LRP1B: variants seen among roughly 807,000 people sequenced by gnomAD.
The protein encoded by LRP1B is LDL receptor related protein 1B.
In LRP1B, 217 loss-of-function variants were observed where a neutral mutation model predicts 556.6. The ratio of observed to expected loss-of-function variants is 0.39; its 90% confidence interval spans 0.35 to 0.44. The LOEUF (loss-of-function observed/expected upper bound fraction) is 0.44, where lower values mean the gene tolerates loss of function less well. Ranked by LOEUF, LRP1B falls within the 20% of genes least tolerant of loss-of-function variation. LRP1B has a pLI of 1.00. For synonymous variants in LRP1B, 2,047 were observed against 1,865.8 expected, an observed-to-expected ratio of 1.10 and a Z score of -2.50; for missense variants, 5,053 against 5,620.8, an observed-to-expected ratio of 0.90 and a Z score of 3.23.
chr2:142,093,938 G>A (rs1706267010), intron 1 of LRP1B, among the ~76,000 whole-genome samples: 1 of 151,932 alleles, frequency 6.6e-6, no homozygotes, highest in Admixed American at 6.6e-5. Flanking sequence ...CCATAAAATG[G>A]GTGGCTTATA....
At chr2:141,591,372 T>TTTTTTCCCAG in intron 2 of LRP1B, among the ~76,000 whole-genome samples, 1 of 150,958 alleles carries the variant, frequency 6.6e-6, no homozygotes, top group East Asian at 1.9e-4. Context: ...TGTTTTTTTT[T>TTTTTTCCCAG]TTTTCCCAGG....
intron 7 of LRP1B, among the ~76,000 whole-genome samples, chr2:141,180,279 T>TTGTCCATGTACAGTCCA (rs1455622878): frequency 2.6e-5 from 4 of 151,818 alleles, no homozygotes; most frequent in African/African-American, 9.7e-5. Flanking sequence ...TACAAGAATG[T>TTGTCCATGTACAGTCCA]TGTCCATGTA....
intron 3 of LRP1B, among the ~76,000 whole-genome samples, chr2:141,318,331 G>T (rs1028059565): frequency 1.3e-5 from 2 of 151,994 alleles, no homozygotes; most frequent in Non-Finnish European, 2.9e-5. Context: ...ACAATATAGG[G>T]GTTAGAGATA....
intron 1 of LRP1B, among the ~76,000 whole-genome samples, chr2:142,124,623 A>T (rs2105017785): frequency 6.6e-6 from 1 of 151,962 alleles, no homozygotes; most frequent in South Asian, 2.1e-4. Flanking sequence ...CTTTCAATAT[A>T]GTAAATTCTC....
At chr2:140,454,137 T>C (rs921450774) in intron 62 of LRP1B, among the ~76,000 whole-genome samples, 22 of 152,098 alleles carry the variant, frequency 1.4e-4, no homozygotes, top group Non-Finnish European at 2.5e-4. Flanking sequence ...GAACTTTTTT[T>C]CTTTCTTTTT....
rs373321462 is a variant in LRP1B at position 141,516,234 on chromosome 2, CTTTCTA to C, written c.206-35707_206-35702del. ...AGGGACATTTGCTTTGTACATTTCT[CTTTCTA>C]TAACACTCAGAAGCATTTCAAAGAT... is the stretch of plus-strand genomic sequence containing the variant. On this transcript the variant is annotated intron_variant, in intron 2 of 90. Transcript: ENST00000389484. Among the ~76,000 whole-genome samples the C allele has an allele frequency of 6.4e-4, 98 of 152,240 alleles. No individual in the cohort carries two copies. In the East Asian group the frequency reaches 7.9e-3, roughly 12 times the overall value.
chr2:141,987,867 T>A (rs924058109), intron 1 of LRP1B, among the ~76,000 whole-genome samples: 6 of 147,748 alleles, frequency 4.1e-5, no homozygotes, highest in Admixed American at 2.1e-4. Flanking sequence ...TAGACCCTTC[T>A]AATCTTAGTA....
At chr2:141,283,684 C>T (rs572865102) in intron 3 of LRP1B, among the ~76,000 whole-genome samples, 3 of 147,270 alleles carry the variant, frequency 2.0e-5, no homozygotes, top group African/African-American at 7.6e-5. Context: ...CAACCTCCAC[C>T]ACCCAGGTTC....
chr2:141,864,826 G>A (rs1313962445), intron 1 of LRP1B, among the ~76,000 whole-genome samples: 2 of 152,150 alleles, frequency 1.3e-5, no homozygotes, highest in East Asian at 3.9e-4. Flanking sequence ...AGGCTGCAGT[G>A]AGCCGAGATC....
At chr2:140,662,357 G>A (rs1270219888) in intron 41 of LRP1B, among the ~76,000 whole-genome samples, 1 of 151,986 alleles carries the variant, frequency 6.6e-6, no homozygotes, top group African/African-American at 2.4e-5. Context: ...AAATATTAAG[G>A]AAAAATTATT....
chr2:141,560,157 C>T (rs1380929485), intron 2 of LRP1B, among the ~76,000 whole-genome samples: 1 of 151,612 alleles, frequency 6.6e-6, no homozygotes, highest in Non-Finnish European at 1.5e-5. Flanking sequence ...TATCTAAAAC[C>T]ATTCACGATA....
chr2:141,876,099 T>A (rs1698749625), intron 1 of LRP1B, among the ~76,000 whole-genome samples: 1 of 152,012 alleles, frequency 6.6e-6, no homozygotes, highest in Non-Finnish European at 1.5e-5. Flanking sequence ...TTTCCATTTT[T>A]AACTGTCAGG....
At chr2:140,673,822 C>A (rs1406357798) in intron 41 of LRP1B, among the ~76,000 whole-genome samples, 2 of 152,142 alleles carry the variant, frequency 1.3e-5, no homozygotes, top group African/African-American at 2.4e-5. Context: ...TTAGACACAA[C>A]TGACCAGCAT....
intron 1 of LRP1B, among the ~76,000 whole-genome samples, chr2:141,914,151 T>C (rs1056085822): frequency 1.3e-5 from 2 of 152,146 alleles, no homozygotes; most frequent in South Asian, 2.1e-4. Flanking sequence ...CAAAGTAATA[T>C]CTGAGTAAGG....
chr2:142,120,031 T>C (rs901230754), intron 1 of LRP1B, among the ~76,000 whole-genome samples: 2 of 151,254 alleles, frequency 1.3e-5, no homozygotes, highest in African/African-American at 4.9e-5. Context: ...GTCCAACAGG[T>C]AATAACCGTA....
chr2:141,560,166 T>C (rs979432073), intron 2 of LRP1B, among the ~76,000 whole-genome samples: 18 of 151,818 alleles, frequency 1.2e-4, no homozygotes, highest in African/African-American at 3.9e-4. Context: ...CCATTCACGA[T>C]ATACTAAATT....
intron 86 of LRP1B, among the ~76,000 whole-genome samples, chr2:140,255,458 A>G (rs1681632142): frequency 6.6e-6 from 1 of 152,172 alleles, no homozygotes; most frequent in Non-Finnish European, 1.5e-5. Flanking sequence ...CAAATATACT[A>G]TATTTTTTAT....
intron 35 of LRP1B, among the ~76,000 whole-genome samples, chr2:140,722,071 T>C (rs1348362150): frequency 6.6e-6 from 1 of 152,130 alleles, no homozygotes; most frequent in Admixed American, 6.5e-5. Context: ...TGACTTCTAC[T>C]ACCTTAGATT....
At chr2:141,984,501 G>A (rs964634739) in intron 1 of LRP1B, among the ~76,000 whole-genome samples, 1 of 151,720 alleles carries the variant, frequency 6.6e-6, no homozygotes, top group Non-Finnish European at 1.5e-5. Flanking sequence ...TATATAGAAG[G>A]TATGATTGAG....
Sources: allele counts gnomAD v4.1 joint callset (sites outside exome capture counted in the v4.1 genomes callset), GRCh38; gene constraint gnomAD v4.1.1; transcripts MANE v1.5; gene names NCBI Gene and HGNC (gene_info 2026-07-23, HGNC 2026-07-21).